ELAPOR1: variants seen among roughly 807,000 people sequenced by gnomAD.
The protein encoded by ELAPOR1 is endosome/lysosome-associated apoptosis and autophagy regulator 1.
Under a neutral mutation model 119.7 loss-of-function variants are expected in ELAPOR1, and 77 were observed. The observed-to-expected ratio is 0.64, with a 90% CI of 0.54 to 0.78. ELAPOR1 has a LOEUF of 0.78. ELAPOR1 is among the 30% of genes least tolerant of loss of function. The pLI, the probability that ELAPOR1 is intolerant of heterozygous loss-of-function variation, is 0.00. For synonymous variants in ELAPOR1, 481 were observed against 487.2 expected, an observed-to-expected ratio of 0.99 and a Z score of 0.17; for missense variants, 1,115 against 1,270.4, an observed-to-expected ratio of 0.88 and a Z score of 1.86.
In ELAPOR1 at chr1:109,177,049, C is replaced by T. The variant is rs537698375; in HGVS notation, c.952+3212C>T. Among the ~76,000 whole-genome samples the T allele has an allele frequency of 8.2e-3, 1,173 of 142,362 alleles. 30 individuals are homozygous for T. Among genetic ancestry groups the T allele is most frequent in the African/African-American group, 0.031 (1,117 of 35,482 alleles). The allele number at this position is 142,362 out of a possible 152,430, so 93.4% of individuals were successfully genotyped here. A position where few individuals can be genotyped will look rare whatever the true frequency, so the allele number is the denominator to read the frequency against. On this transcript the variant is annotated intron_variant, in intron 7 of 21. Transcript: ENST00000369939. ...AACCATCCGATTTCTCAATCTTTTC[C>T]CCACCTTTCCCCCCTTTCTATTCCA...
intron 7 of ELAPOR1, among the ~76,000 whole-genome samples, chr1:109,177,194 G>A (rs776724990): frequency 7.4e-5 from 11 of 148,560 alleles, no homozygotes; most frequent in South Asian, 2.2e-4. Flanking sequence ...GGGCAGAGGC[G>A]CCCCTCACCT....
chr1:109,185,229 T>C lies in ELAPOR1; in HGVS notation c.1041+96T>C, dbSNP rs1347246406. ...TTTGGAACTTCAGCAGTCAATGACA[T>C]TGGCACTAGTTAAAACCCCACAGAC... On this transcript the variant is annotated intron_variant, in intron 8 of 21. Transcript: ENST00000369939. 7.6e-5 allele frequency: 72 copies of C among 947,312 alleles called. 1 individual carries two copies. In the Admixed American group the frequency reaches 8.6e-4, roughly 11 times the overall value. The allele number at this position is 947,312 out of a possible 1,614,324, so 58.7% of individuals were successfully genotyped here.
At chr1:109,178,301 G>A (rs1652478145) in intron 7 of ELAPOR1, among the ~76,000 whole-genome samples, 1 of 152,112 alleles carries the variant, frequency 6.6e-6, no homozygotes, top group African/African-American at 2.4e-5. Flanking sequence ...GTGAGCCACT[G>A]CACCTGGCCA....
At position 109,197,504 on chromosome 1, in the gene ELAPOR1, G is replaced by A. The variant is rs767724506; in HGVS notation, c.2152G>A (p.Val718Ile). 2 of 1,614,076 alleles carry A rather than the reference G, an allele frequency of 1.2e-6. No homozygotes were observed. Among genetic ancestry groups the A allele is most frequent in the Non-Finnish European group, 1.7e-6 (2 of 1,180,004 alleles). The change falls in exon 16 of 22, where the codon GTC (valine) becomes ATC (isoleucine). Residue 718 changes from valine to isoleucine, a missense_variant. Transcript: ENST00000369939. ...GAAAATGTCTGTGTGCACCGACAAT[G>A]TCACTGACCTCCGGATTCCTGAGGG... ...GRKMSVCTDN[V>I]TDLRIPEGES...
intron 3 of ELAPOR1, among the ~76,000 whole-genome samples, chr1:109,165,757 T>C (rs945071190): frequency 1.3e-4 from 20 of 149,642 alleles, no homozygotes; most frequent in Non-Finnish European, 2.7e-4. Context: ...TCTTTTTTTT[T>C]TTTTTGAGAC....
At chr1:109,142,794 C>G (rs1282317425) in intron 1 of ELAPOR1, among the ~76,000 whole-genome samples, 1 of 152,138 alleles carries the variant, frequency 6.6e-6, no homozygotes, top group Non-Finnish European at 1.5e-5. Context: ...CAATTATACT[C>G]TAGGTATATT....
At chr1:109,118,838 C>T (rs186029548) in intron 1 of ELAPOR1, among the ~76,000 whole-genome samples, 15 of 151,424 alleles carry the variant, frequency 9.9e-5, no homozygotes, top group East Asian at 5.8e-4. Context: ...GCCTTTGGCA[C>T]GCTACTTCAC....
intron 15 of ELAPOR1, 64 bp downstream of exon 15, chr1:109,194,658 G>A: frequency 6.7e-7 from 1 of 1,496,982 alleles, no homozygotes; most frequent in Non-Finnish European, 9.2e-7. Context: ...AGAAGCCAGA[G>A]ACAGACACAG....
At chr1:109,178,199 C>T (rs377766993) in intron 7 of ELAPOR1, among the ~76,000 whole-genome samples, 189 of 152,024 alleles carry the variant, frequency 1.2e-3, no homozygotes, top group African/African-American at 4.2e-3. Flanking sequence ...TTAGTAGAGA[C>T]GGGGTTTCAC....
intron 21 of ELAPOR1, 51 bp from the exon 22 acceptor site, chr1:109,202,893 C>G: frequency 6.3e-6 from 10 of 1,591,290 alleles, no homozygotes; most frequent in Non-Finnish European, 8.6e-6. Context: ...TCCTTTGTCC[C>G]CAAACTTGCC....
At chr1:109,182,251 A>G (rs1258134872) in intron 7 of ELAPOR1, among the ~76,000 whole-genome samples, 1 of 151,940 alleles carries the variant, frequency 6.6e-6, no homozygotes, top group Non-Finnish European at 1.5e-5. Flanking sequence ...AATCACTTGA[A>G]CCCGAGAGGC....
intron 1 of ELAPOR1, among the ~76,000 whole-genome samples, chr1:109,138,382 C>A (rs1417883587): frequency 6.6e-6 from 1 of 152,140 alleles, no homozygotes; most frequent in Non-Finnish European, 1.5e-5. Flanking sequence ...CATAGCCACA[C>A]CAGTCACTGG....
intron 1 of ELAPOR1, among the ~76,000 whole-genome samples, chr1:109,142,830 C>T (rs1427174265): frequency 6.6e-6 from 1 of 152,130 alleles, no homozygotes; most frequent in African/African-American, 2.4e-5. Context: ...AACATATATT[C>T]ACACAAAAAC....
chr1:109,126,943 C>G (rs1467197495), intron 1 of ELAPOR1, among the ~76,000 whole-genome samples: 1 of 152,154 alleles, frequency 6.6e-6, no homozygotes, highest in Non-Finnish European at 1.5e-5. Flanking sequence ...GCCAGCTTGT[C>G]CGGATCAGGG....
chr1:109,167,099 T>C (rs1651647786), intron 3 of ELAPOR1, among the ~76,000 whole-genome samples: 1 of 152,198 alleles, frequency 6.6e-6, no homozygotes, highest in East Asian at 1.9e-4. Context: ...GGAGCGGGAA[T>C]GTGTGGGTTA....
At chr1:109,164,739 G>T (rs1206722417) in intron 3 of ELAPOR1, 48 bp downstream of exon 3, 2 of 1,546,484 alleles carry the variant, frequency 1.3e-6, no homozygotes, top group East Asian at 4.6e-5. Flanking sequence ...CTGGGTAAGG[G>T]GCTACAGGGC....
At chr1:109,114,850 C>G (rs1257055408) in intron 1 of ELAPOR1, among the ~76,000 whole-genome samples, 1 of 152,134 alleles carries the variant, frequency 6.6e-6, no homozygotes, top group Non-Finnish European at 1.5e-5. Context: ...GATTCCAGCT[C>G]TCTAGTTCCT....
intron 1 of ELAPOR1, among the ~76,000 whole-genome samples, chr1:109,128,251 A>G (rs1648920265): frequency 6.6e-6 from 1 of 152,228 alleles, no homozygotes; most frequent in Non-Finnish European, 1.5e-5. Flanking sequence ...TAGGCCTAGA[A>G]TGTGGTTTTC....
chr1:109,174,506 A>G (rs1652139287), intron 7 of ELAPOR1, among the ~76,000 whole-genome samples: 1 of 148,182 alleles, frequency 6.7e-6, no homozygotes, highest in South Asian at 2.2e-4. Context: ...TGTGCTTGGA[A>G]TACGTCAGTG....
Sources: gnomAD v4.1 joint callset for allele counts (sites outside exome capture counted in the v4.1 genomes callset) on GRCh38, gnomAD v4.1.1 for gene constraint, MANE v1.5 for transcripts, NCBI Gene and HGNC (gene_info 2026-07-23, HGNC 2026-07-21) for gene names.